Variants in ATF7 observed in about 807,000 individuals in gnomAD.
ATF7 encodes the protein cyclic AMP-dependent transcription factor ATF-7.
ATF7 carries 10 observed loss-of-function variants against 50.4 expected under a neutral mutation model. That is an observed-to-expected ratio of 0.20 (90% CI 0.12 to 0.34). The LOEUF is 0.34. Among genes scored for constraint, ATF7 ranks in the 10% least tolerant of loss-of-function variants. ATF7 has a pLI of 1.00. For missense variants in ATF7, 465 were observed against 613.9 expected, an observed-to-expected ratio of 0.76 and a Z score of 2.56; for synonymous variants, 201 against 226.4, an observed-to-expected ratio of 0.89 and a Z score of 1.01.
chr12:53,560,983 T>TA (rs1365679717), intron 2 of ATF7, among the ~76,000 whole-genome samples: 1 of 150,990 alleles, frequency 6.6e-6, no homozygotes, highest in African/African-American at 2.4e-5. Context: ...TCTCACTCTG[T>TA]AGCTCAGGCT....
At chr12:53,574,859 G>T in intron 2 of ATF7, 1 of 346,636 alleles carries the variant, frequency 2.9e-6, no homozygotes, top group Non-Finnish European at 5.5e-6. Context: ...AAAAGAAATA[G>T]TAAATTCAAG....
chr12:53,596,567 T>C (rs1319654565), intron 2 of ATF7, among the ~76,000 whole-genome samples: 1 of 152,136 alleles, frequency 6.6e-6, no homozygotes, highest in Admixed American at 6.6e-5. Context: ...GAGGGAGGCA[T>C]AGGAATATGG....
intron 11 of ATF7, among the ~76,000 whole-genome samples, chr12:53,518,814 G>A (rs957429149): frequency 2.0e-5 from 3 of 152,038 alleles, no homozygotes; most frequent in Non-Finnish European, 2.9e-5. Context: ...CAGAGGCCAA[G>A]CTGGGCGGAT....
At position 53,524,840 on chromosome 12, in the gene ATF7, A is replaced by C; in HGVS notation, c.928-79T>G. 1 of 1,290,754 alleles carries C rather than the reference A, an allele frequency of 7.7e-7. No individual in the cohort carries two copies. The highest frequency in any genetic ancestry group is 2.5e-5 in the East Asian group (1 of 39,290). 80.0% of individuals were successfully genotyped at this position (1,290,754 alleles called of 1,614,324 possible). A position where few individuals can be genotyped will look rare whatever the true frequency, so the allele number is the denominator to read the frequency against. On this transcript the variant is annotated intron_variant, in intron 9 of 11. Coordinates refer to ENST00000420353, the MANE Select transcript of ATF7 (RefSeq NM_006856.3). The surrounding 1 kb of genome is among the most constrained non-coding windows in gnomAD (Gnocchi z 4.6). ...AATCACACCTGATGTTAGGTAGAGT[A>C]GTAAGATCTGGTAAAAGGATATACC...
At chr12:53,613,199 A>T (rs1439472236) in intron 1 of ATF7, among the ~76,000 whole-genome samples, 1 of 152,216 alleles carries the variant, frequency 6.6e-6, no homozygotes, top group Middle Eastern at 3.2e-3. Flanking sequence ...AAGACTATAT[A>T]CAATTACCTG....
intron 3 of ATF7, among the ~76,000 whole-genome samples, chr12:53,545,010 AG>A (rs1939809808): frequency 6.6e-6 from 1 of 152,160 alleles, no homozygotes; most frequent in South Asian, 2.1e-4. Context: ...CTTTATGCTT[AG>A]AGAGTACTTT....
chr12:53,595,247 C>T (rs986196991), intron 2 of ATF7, among the ~76,000 whole-genome samples: 3 of 152,186 alleles, frequency 2.0e-5, no homozygotes, highest in Non-Finnish European at 2.9e-5. Flanking sequence ...AACATGTAAA[C>T]ATAGCATATA....
At chr12:53,532,927 C>T (rs1457540995) in intron 7 of ATF7, among the ~76,000 whole-genome samples, 19 of 152,112 alleles carry the variant, frequency 1.2e-4, no homozygotes, top group Admixed American at 1.2e-3. Context: ...AATCAGTGGG[C>T]TGGCAAGATC....
chr12:53,565,606 C>T (rs1260702163), intron 2 of ATF7, among the ~76,000 whole-genome samples: 1 of 152,078 alleles, frequency 6.6e-6, no homozygotes, highest in African/African-American at 2.4e-5. Flanking sequence ...GATTCTCGTA[C>T]TTCGGCCTCC....
At chr12:53,548,760 G>T (rs907579521) in intron 3 of ATF7, among the ~76,000 whole-genome samples, 2 of 152,134 alleles carry the variant, frequency 1.3e-5, no homozygotes, top group African/African-American at 4.8e-5. Context: ...AGGCAAGAGG[G>T]TTGCCTGAGG....
Position 53,514,972 on chromosome 12 carries a change from C to G in ATF7, c.*2165G>C, listed in dbSNP as rs1256978718. The stretch of plus-strand genomic sequence containing the variant: ...AGCAGGAGAAAATCCCAGGGAGCAG[C>G]CAGCTAAAGGGGAAGTCCTGAGCAC... On this transcript the variant is annotated 3_prime_UTR_variant, in exon 12 of 12. Coordinates refer to ENST00000420353, the MANE Select transcript of ATF7 (RefSeq NM_006856.3). 6.6e-6 allele frequency: 1 copy of G among 152,112 alleles called. No individual in the cohort carries two copies. 9.4% of individuals were successfully genotyped at this position (152,112 alleles called of 1,614,324 possible). A position where few individuals can be genotyped will look rare whatever the true frequency, so the allele number is the denominator to read the frequency against.
At chr12:53,620,328 G>A (rs551484127) in intron 1 of ATF7, among the ~76,000 whole-genome samples, 1 of 151,920 alleles carries the variant, frequency 6.6e-6, no homozygotes, top group African/African-American at 2.4e-5. Flanking sequence ...TGTAATCCCA[G>A]CACTTTGGGA....
Position 53,531,793 on chromosome 12 carries a change from C to T in ATF7, c.878G>A (p.Ser293Asn). Residue 293 changes from serine (S) to asparagine (N), a missense_variant, in exon 9 of 12, where the codon AGC becomes AAC. Transcript: ENST00000420353. ...ATCAGGGTGCTGGATGAGAATCTGGCTCTGCTCTGGGCGGGCTGTCACCAT... is the reference window on the plus strand; with the variant it reads ...ATCAGGGTGCTGGATGAGAATCTGGTTCTGCTCTGGGCGGGCTGTCACCAT... ...STMVTARPEQ[S>N]QILIQHPDAP... The T allele has an allele frequency of 3.1e-6, 5 of 1,612,496 alleles. No individual in the cohort carries two copies. Among genetic ancestry groups the T allele is most frequent in the Non-Finnish European group, 4.2e-6 (5 of 1,179,528 alleles).
intron 1 of ATF7, among the ~76,000 whole-genome samples, chr12:53,601,649 A>C (rs564122581): frequency 2.0e-5 from 3 of 152,212 alleles, no homozygotes; most frequent in Non-Finnish European, 4.4e-5. Context: ...CAAATGGAGA[A>C]GTATCGATGC....
Position 53,515,657 on chromosome 12 carries a change from G to C in ATF7, c.*1480C>G, listed in dbSNP as rs938413818. The C allele has an allele frequency of 2.0e-5, 3 of 152,212 alleles. No homozygotes were observed. The highest frequency in any genetic ancestry group is 7.2e-5 in the African/African-American group (3 of 41,450). The allele number at this position is 152,212 out of a possible 1,614,324, so 9.4% of individuals were successfully genotyped here. ...AACTCTTCAAAGTAAGAATGGTTGAGAGCAATAGTCACCAATTTCCCAGGC... is the reference window on the plus strand; with the variant it reads ...AACTCTTCAAAGTAAGAATGGTTGACAGCAATAGTCACCAATTTCCCAGGC... On this transcript the variant is annotated 3_prime_UTR_variant, in exon 12 of 12. Coordinates refer to ENST00000420353, the MANE Select transcript of ATF7 (RefSeq NM_006856.3).
At chr12:53,611,376 C>T (rs1943872699) in intron 1 of ATF7, among the ~76,000 whole-genome samples, 1 of 152,054 alleles carries the variant, frequency 6.6e-6, no homozygotes, top group Admixed American at 6.6e-5. Flanking sequence ...TCGCTCAAAC[C>T]AGGGAGTTGG....
chr12:53,547,943 G>A (rs1004680930), intron 3 of ATF7, among the ~76,000 whole-genome samples: 1 of 152,144 alleles, frequency 6.6e-6, no homozygotes, highest in East Asian at 1.9e-4. Context: ...CATAATCACA[G>A]CTCACTGCAG....
chr12:53,531,774 G>A lies in ATF7; in HGVS notation c.897C>T (p.His299=), dbSNP rs758874573. ...RPEQSQILIQ[H]PDAPSPAQPQ... is the part of the protein sequence containing the mutation. ...GCTGGGCAGGGGATGGGGCATCAGG[G>A]TGCTGGATGAGAATCTGGCTCTGCT... The change falls in exon 9 of 12, where the codon CAC becomes CAT. Residue 299 remains histidine, a synonymous_variant. Transcript: ENST00000420353. The A allele has an allele frequency of 2.7e-5, 43 of 1,612,118 alleles. 1 individual carries two copies. Among genetic ancestry groups the A allele is most frequent in the South Asian group, 7.7e-5 (7 of 90,670 alleles).
chr12:53,509,099 A>G (rs1044642859), downstream of ATF7, among the ~76,000 whole-genome samples: 3 of 152,168 alleles, frequency 2.0e-5, no homozygotes, highest in African/African-American at 7.2e-5. Flanking sequence ...GTGCTGAGGA[A>G]GAGCCATGAC....
Sources: allele counts gnomAD v4.1 joint callset (sites outside exome capture counted in the v4.1 genomes callset), GRCh38; gene constraint gnomAD v4.1.1; non-coding constraint Gnocchi (gnomAD v3.1); transcripts MANE v1.5; gene names NCBI Gene and HGNC (gene_info 2026-07-23, HGNC 2026-07-21).